KCNQ5: variants seen among roughly 807,000 people sequenced by gnomAD.
KCNQ5 encodes potassium voltage-gated channel subfamily KQT member 5.
Under a neutral mutation model 98.2 loss-of-function variants are expected in KCNQ5, and 30 were observed. The observed-to-expected ratio is 0.31, with a 90% CI of 0.23 to 0.41. KCNQ5 has a LOEUF of 0.41. KCNQ5 is among the 10% of genes least tolerant of loss of function. The pLI, the probability that KCNQ5 is intolerant of heterozygous loss-of-function variation, is 1.00. For synonymous variants in KCNQ5, 458 were observed against 449.4 expected, an observed-to-expected ratio of 1.02 and a Z score of -0.24; for missense variants, 835 against 1,182.5, an observed-to-expected ratio of 0.71 and a Z score of 4.31.
In KCNQ5 at chr6:72,632,142, T is replaced by C. The variant is rs563522749; in HGVS notation, c.398+9555T>C. On this transcript the variant is annotated intron_variant, in intron 1 of 13. Coordinates refer to ENST00000370398, the MANE Select transcript of KCNQ5 (RefSeq NM_019842.4). The stretch of plus-strand genomic sequence containing the variant: ...AGATTTTTTCTTTCTTTCTTTCTTT[T>C]TTTTTTTTTTTTTGAGACGGAGTCT... 2.6e-3 allele frequency among the ~76,000 whole-genome samples: 386 copies of C among 147,540 alleles called. 4 individuals are homozygous for C. Among genetic ancestry groups the C allele is most frequent in the African/African-American group, 9.1e-3 (366 of 40,388 alleles).
chr6:72,958,025 T>C (rs1281416645), intron 1 of KCNQ5, among the ~76,000 whole-genome samples: 1 of 152,192 alleles, frequency 6.6e-6, no homozygotes, highest in Non-Finnish European at 1.5e-5. Flanking sequence ...TATGAACTGA[T>C]GTGTCCCTGG....
intron 1 of KCNQ5, among the ~76,000 whole-genome samples, chr6:72,640,272 A>G (rs1582026767): frequency 1.3e-5 from 2 of 151,988 alleles, no homozygotes; most frequent in East Asian, 3.9e-4. Context: ...CCAAGCACCA[A>G]CCATCTGATA....
At position 73,195,971 on chromosome 6, in the gene KCNQ5, A is replaced by C. The variant is rs747122160; in HGVS notation, c.*557A>C. On this transcript the variant is annotated 3_prime_UTR_variant, in exon 14 of 14. Coordinates refer to ENST00000370398, the MANE Select transcript of KCNQ5 (RefSeq NM_019842.4). ...TATTATTAATGTAATTTGAATGTCA[A>C]TTTGTGTGCTTTTGGTGATTTAGCG... is the stretch of plus-strand genomic sequence containing the variant. 2 of 154,642 alleles carry C rather than the reference A, an allele frequency of 1.3e-5. No homozygotes were observed. The highest frequency in any genetic ancestry group is 2.9e-5 in the Non-Finnish European group (2 of 69,322). 9.6% of individuals were successfully genotyped at this position (154,642 alleles called of 1,614,324 possible). A position where few individuals can be genotyped will look rare whatever the true frequency, so the allele number is the denominator to read the frequency against.
chr6:73,048,773 T>C lies in KCNQ5; in HGVS notation c.616+6711T>C, dbSNP rs546197882. Among the ~76,000 whole-genome samples, 45 of 152,330 alleles carry C rather than the reference T, an allele frequency of 3.0e-4. 1 individual carries two copies. The highest frequency in any genetic ancestry group is 5.9e-4 in the Admixed American group (9 of 15,308). ...TTAGAAACATGAAATTTTACATTGT[T>C]TTTTAAAATGTTATTTTTCTATGAG... is the stretch of plus-strand genomic sequence containing the variant. On this transcript the variant is annotated intron_variant, in intron 3 of 13. Transcript: ENST00000370398.
At position 72,707,826 on chromosome 6, in the gene KCNQ5, A is replaced by G. The variant is rs578007592; in HGVS notation, c.398+85239A>G. Among the ~76,000 whole-genome samples, 75 of 152,220 alleles carry G rather than the reference A, an allele frequency of 4.9e-4. 1 individual carries two copies. Among genetic ancestry groups the G allele is most frequent in the African/African-American group, 1.7e-3 (71 of 41,536 alleles). On this transcript the variant is annotated intron_variant, in intron 1 of 13. Transcript: ENST00000370398. ...AATCTTGGGTTTAAGAGACCCTCCTACATCAGCCTTCTGAGTAGCTGGGAC... is the reference window on the plus strand; with the variant it reads ...AATCTTGGGTTTAAGAGACCCTCCTGCATCAGCCTTCTGAGTAGCTGGGAC...
chr6:72,988,564 T>C (rs1166952659), intron 1 of KCNQ5, among the ~76,000 whole-genome samples: 1 of 151,616 alleles, frequency 6.6e-6, no homozygotes. Context: ...CTGTGATGAC[T>C]ACCAGAGTGT....
chr6:72,940,919 G>A (rs1448784560), intron 1 of KCNQ5, among the ~76,000 whole-genome samples: 1 of 152,118 alleles, frequency 6.6e-6, no homozygotes, highest in African/African-American at 2.4e-5. Context: ...TCTGTATGCT[G>A]TAACTCCCTG....
chr6:73,118,501 G>GA (rs1463159373), intron 7 of KCNQ5, among the ~76,000 whole-genome samples: 1 of 151,848 alleles, frequency 6.6e-6, no homozygotes, highest in East Asian at 1.9e-4. Flanking sequence ...CATATATTTT[G>GA]AAAATATACC....
chr6:73,016,736 A>G (rs914822966), intron 2 of KCNQ5, among the ~76,000 whole-genome samples: 4 of 152,150 alleles, frequency 2.6e-5, no homozygotes, highest in Admixed American at 2.6e-4. Context: ...CTTACAGGTT[A>G]AACCAAAACT....
intron 5 of KCNQ5, among the ~76,000 whole-genome samples, chr6:73,091,459 C>T (rs967414975): frequency 2.6e-5 from 4 of 151,732 alleles, no homozygotes; most frequent in African/African-American, 9.7e-5. Flanking sequence ...TACCCCAGAA[C>T]TTAAAGTATA....
chr6:72,868,115 C>T (rs868736141), intron 1 of KCNQ5, among the ~76,000 whole-genome samples: 1 of 151,768 alleles, frequency 6.6e-6, no homozygotes, highest in Non-Finnish European at 1.5e-5. Context: ...GAGTCCTCCA[C>T]CAGGACTTCC....
chr6:73,087,464 T>C (rs538372990), intron 5 of KCNQ5, among the ~76,000 whole-genome samples: 35 of 152,172 alleles, frequency 2.3e-4, no homozygotes, highest in African/African-American at 7.9e-4. Context: ...GTGTGACATC[T>C]AAATGGAACT....
intron 1 of KCNQ5, among the ~76,000 whole-genome samples, chr6:72,980,988 C>G (rs1341371789): frequency 1.3e-5 from 2 of 151,756 alleles, no homozygotes; most frequent in Non-Finnish European, 2.9e-5. Context: ...GTTGAACCAG[C>G]CTTGCATCCC....
intron 1 of KCNQ5, among the ~76,000 whole-genome samples, chr6:72,712,538 T>C (rs1470899641): frequency 6.6e-6 from 1 of 152,228 alleles, no homozygotes; most frequent in Non-Finnish European, 1.5e-5. Context: ...TAATAGCCGC[T>C]TGGAACTACC....
intron 1 of KCNQ5, among the ~76,000 whole-genome samples, chr6:72,721,723 T>C (rs1454201265): frequency 6.6e-6 from 1 of 152,212 alleles, no homozygotes; most frequent in Non-Finnish European, 1.5e-5. Context: ...GAATTGCCAG[T>C]GAAACTCCAG....
intron 1 of KCNQ5, among the ~76,000 whole-genome samples, chr6:72,661,797 A>G (rs544990248): frequency 3.9e-5 from 6 of 152,130 alleles, no homozygotes; most frequent in Non-Finnish European, 8.8e-5. Flanking sequence ...ATATATGTAA[A>G]GCATTTAGCA....
chr6:72,854,779 T>C (rs1178560901), intron 1 of KCNQ5, among the ~76,000 whole-genome samples: 2 of 146,496 alleles, frequency 1.4e-5, no homozygotes, highest in African/African-American at 5.0e-5. Flanking sequence ...TGTGTGTGTG[T>C]GTGTGCGTGC....
At chr6:72,631,291 G>T (rs2098920649) in intron 1 of KCNQ5, among the ~76,000 whole-genome samples, 1 of 152,126 alleles carries the variant, frequency 6.6e-6, no homozygotes, top group Admixed American at 6.5e-5. Context: ...TGATTTAAAA[G>T]ACATAAAATA....
chr6:72,907,182 G>A (rs1364847837), intron 1 of KCNQ5, among the ~76,000 whole-genome samples: 1 of 152,100 alleles, frequency 6.6e-6, no homozygotes, highest in Non-Finnish European at 1.5e-5. Flanking sequence ...GGAGAGGAGG[G>A]AGAGGATCAG....
Sources: gnomAD v4.1 joint callset for allele counts (sites outside exome capture counted in the v4.1 genomes callset) on GRCh38, gnomAD v4.1.1 for gene constraint, MANE v1.5 for transcripts, NCBI Gene and HGNC (gene_info 2026-07-23, HGNC 2026-07-21) for gene names.